AGBL1: variants seen among roughly 807,000 people sequenced by gnomAD.
The protein encoded by AGBL1 is AGBL carboxypeptidase 1.
AGBL1 carries 130 observed loss-of-function variants against 118.9 expected under a neutral mutation model. The ratio of observed to expected loss-of-function variants is 1.09; its 90% CI spans 0.95 to 1.26. AGBL1 has a LOEUF of 1.26. Among genes scored for constraint, AGBL1 ranks in the 50% most tolerant of loss-of-function variants. AGBL1 has a pLI of 0.00. For missense variants in AGBL1, 1,584 were observed against 1,298.1 expected (o/e 1.22, Z -3.38); for synonymous variants, 555 against 478.9 (o/e 1.16, Z -2.08).
chr15:86,509,971 T>C (rs2083033939), intron 18 of AGBL1, among the ~76,000 whole-genome samples: 1 of 151,604 alleles, frequency 6.6e-6, no homozygotes, highest in Non-Finnish European at 1.5e-5. Flanking sequence ...TCCTGATTTC[T>C]TCTGTGGCAC....
intron 21 of AGBL1, among the ~76,000 whole-genome samples, chr15:86,634,582 G>T (rs1224913478): frequency 1.3e-5 from 2 of 152,190 alleles, no homozygotes; most frequent in African/African-American, 4.8e-5. Flanking sequence ...TCTGCTAATG[G>T]ATGTGGAGTT....
chr15:86,334,341 G>C (rs1007424569), intron 17 of AGBL1, among the ~76,000 whole-genome samples: 1 of 152,032 alleles, frequency 6.6e-6, no homozygotes, highest in Non-Finnish European at 1.5e-5. Flanking sequence ...CAAAATCAAT[G>C]TACAAAAATC....
intron 6 of AGBL1, among the ~76,000 whole-genome samples, chr15:86,234,403 T>C (rs1195577263): frequency 6.6e-6 from 1 of 151,868 alleles, no homozygotes; most frequent in East Asian, 1.9e-4. Flanking sequence ...ATACAAAAAT[T>C]AGCTGTGCGT....
chr15:86,739,932 G>A (rs1357238741), intron 22 of AGBL1, among the ~76,000 whole-genome samples: 1 of 152,192 alleles, frequency 6.6e-6, no homozygotes, highest in African/African-American at 2.4e-5. Context: ...ATGGTTTTCT[G>A]ATGCTGCAGC....
intron 22 of AGBL1, among the ~76,000 whole-genome samples, chr15:86,724,655 C>G (rs11631987): frequency 0.019 from 2,929 of 152,260 alleles, 36 homozygotes; most frequent in Non-Finnish European, 0.032. Context: ...CCCTCCAAAT[C>G]TCATGTTGAA....
chr15:86,134,604 C>CTTTTTT (rs141645590), intron 1 of AGBL1, among the ~76,000 whole-genome samples: 1 of 84,614 alleles, frequency 1.2e-5, no homozygotes. Flanking sequence ...TCAATGGTGC[C>CTTTTTT]TTTTTTTTTT....
chr15:86,276,175 T>G (rs915616572), intron 15 of AGBL1, among the ~76,000 whole-genome samples: 2 of 152,234 alleles, frequency 1.3e-5, no homozygotes, highest in African/African-American at 4.8e-5. Flanking sequence ...TTCTATTATT[T>G]TAGACTGTAA....
At chr15:86,285,909 T>C (rs1383728895) in intron 16 of AGBL1, among the ~76,000 whole-genome samples, 3 of 152,196 alleles carry the variant, frequency 2.0e-5, no homozygotes, top group Non-Finnish European at 4.4e-5. Flanking sequence ...TTGTCTCTCA[T>C]AGCTAATACT....
At chr15:86,585,959 C>T (rs893819415) in intron 21 of AGBL1, among the ~76,000 whole-genome samples, 2 of 152,228 alleles carry the variant, frequency 1.3e-5, no homozygotes, top group African/African-American at 4.8e-5. Flanking sequence ...CCATGCTCCA[C>T]ATTCCACTGC....
At chr15:86,473,563 T>A (rs941504404) in intron 18 of AGBL1, among the ~76,000 whole-genome samples, 1 of 152,180 alleles carries the variant, frequency 6.6e-6, no homozygotes, top group African/African-American at 2.4e-5. Context: ...TTGTTTTTTT[T>A]AAAAAAGGTC....
At chr15:86,307,503 A>G (rs190766105) in intron 17 of AGBL1, among the ~76,000 whole-genome samples, 1,677 of 152,282 alleles carry the variant, frequency 0.011, 29 homozygotes, top group African/African-American at 0.036. Context: ...ATAATGTGTT[A>G]GGAAAAAGTT....
chr15:86,644,662 T>C (rs1458221216), intron 21 of AGBL1, among the ~76,000 whole-genome samples: 4 of 149,948 alleles, frequency 2.7e-5, no homozygotes, highest in Non-Finnish European at 4.4e-5. Context: ...ATCAATATCA[T>C]GAAAGACCAG....
intron 16 of AGBL1, among the ~76,000 whole-genome samples, chr15:86,294,427 G>T (rs1218981340): frequency 7.6e-6 from 1 of 131,204 alleles, no homozygotes. Context: ...AAAAAAAAAA[G>T]GATTGTTCAC....
chr15:86,710,622 A>G (rs2086539937), intron 22 of AGBL1, among the ~76,000 whole-genome samples: 1 of 152,208 alleles, frequency 6.6e-6, no homozygotes, highest in Admixed American at 6.5e-5. Flanking sequence ...AAGTAAATGC[A>G]ATACAACTGA....
intron 22 of AGBL1, among the ~76,000 whole-genome samples, chr15:86,821,173 C>G (rs1276243627): frequency 6.6e-6 from 1 of 151,506 alleles, no homozygotes; most frequent in Non-Finnish European, 1.5e-5. Flanking sequence ...TGAGGCCTGT[C>G]AGGAGATTGG....
intron 23 of AGBL1, among the ~76,000 whole-genome samples, chr15:86,942,472 T>C (rs1342849387): frequency 1.3e-5 from 2 of 152,352 alleles, no homozygotes; most frequent in South Asian, 2.1e-4. Flanking sequence ...GGTTATTCAT[T>C]GTCTCAAAAA....
intron 16 of AGBL1, among the ~76,000 whole-genome samples, chr15:86,280,551 G>T (rs906035003): frequency 3.3e-5 from 5 of 152,170 alleles, no homozygotes; most frequent in African/African-American, 9.7e-5. Flanking sequence ...GAGGATAAAT[G>T]AACTCCAGTA....
intron 17 of AGBL1, among the ~76,000 whole-genome samples, chr15:86,309,382 T>C (rs1206490373): frequency 6.6e-6 from 1 of 152,214 alleles, no homozygotes; most frequent in East Asian, 1.9e-4. Context: ...TCTTTCCAAT[T>C]AGGATGCCTT....
chr15:86,268,292 C>A (rs898077035), intron 13 of AGBL1, among the ~76,000 whole-genome samples: 1 of 151,926 alleles, frequency 6.6e-6, no homozygotes, highest in African/African-American at 2.4e-5. Context: ...AGGCTGAAGA[C>A]GGGAAAGACA....
Sources: gnomAD v4.1 joint callset for allele counts (sites outside exome capture counted in the v4.1 genomes callset) on GRCh38, gnomAD v4.1.1 for gene constraint, MANE v1.5 for transcripts, NCBI Gene and HGNC (gene_info 2026-07-23, HGNC 2026-07-21) for gene names.